The following PMFBP1 variants were observed in gnomAD, a reference collection of about 807,000 sequenced individuals.
The protein encoded by PMFBP1 is polyamine modulated factor 1 binding protein 1.
Under a neutral mutation model 137.8 loss-of-function variants are expected in PMFBP1, and 131 were observed. The observed-to-expected ratio is 0.95, with a 90% CI of 0.82 to 1.10. The LOEUF is 1.10. Among genes scored for constraint, PMFBP1 ranks in the 50% least tolerant of loss-of-function variants. The pLI is 0.00. For missense variants in PMFBP1, 1,199 were observed against 1,175.4 expected, an observed-to-expected ratio of 1.02 and a Z score of -0.29; for synonymous variants, 490 against 450.4, an observed-to-expected ratio of 1.09 and a Z score of -1.11.
chr16:72,128,563 T>A, intron 14 of PMFBP1, 94 bp downstream of exon 14: 1 of 1,608,530 alleles, frequency 6.2e-7, no homozygotes, highest in Non-Finnish European at 8.5e-7. Flanking sequence ...AGCAGTTAGC[T>A]GCATTTCTGT....
the PMFBP1 span, among the ~76,000 whole-genome samples, chr16:72,220,441 AC>A: frequency 1.3e-5 from 2 of 152,242 alleles, no homozygotes; most frequent in African/African-American, 2.4e-5. Context: ...TAAAATAAAA[AC>A]CAAAAGCCCA....
chr16:72,145,622 T>C (rs933213427), intron 5 of PMFBP1, among the ~76,000 whole-genome samples: 4 of 152,168 alleles, frequency 2.6e-5, no homozygotes, highest in African/African-American at 9.6e-5. Flanking sequence ...ACAAAATAGA[T>C]AGACTGCTAG....
At chr16:72,165,874 G>A (rs1429311880) in intron 2 of PMFBP1, among the ~76,000 whole-genome samples, 2 of 152,182 alleles carry the variant, frequency 1.3e-5, no homozygotes, top group Non-Finnish European at 2.9e-5. Flanking sequence ...TAAATAGAAT[G>A]TGTGGGGCAT....
chr16:72,161,966 C>A (rs2043069046), intron 3 of PMFBP1, among the ~76,000 whole-genome samples: 1 of 152,172 alleles, frequency 6.6e-6, no homozygotes, highest in Admixed American at 6.5e-5. Flanking sequence ...TAAAAAGTGT[C>A]CTCTGTACAC....
chr16:72,223,270 T>G, the PMFBP1 span, among the ~76,000 whole-genome samples: 7 of 152,224 alleles, frequency 4.6e-5, no homozygotes, highest in African/African-American at 1.7e-4. Context: ...GGATCAGTAT[T>G]AGTGAACTGG....
the PMFBP1 span, among the ~76,000 whole-genome samples, chr16:72,243,754 G>A: frequency 6.6e-6 from 1 of 152,126 alleles, no homozygotes; most frequent in Non-Finnish European, 1.5e-5. Flanking sequence ...TGAGTAGGGA[G>A]AAAGAGAATC....
chr16:72,215,243 C>T, the PMFBP1 span, among the ~76,000 whole-genome samples: 1 of 151,656 alleles, frequency 6.6e-6, no homozygotes, highest in East Asian at 1.9e-4. Context: ...GGACATGAGC[C>T]CTTAAATTAA....
the PMFBP1 span, among the ~76,000 whole-genome samples, chr16:72,181,931 G>A: frequency 3.9e-5 from 6 of 152,066 alleles, no homozygotes; most frequent in South Asian, 2.1e-4. Flanking sequence ...GTCTTGGGCC[G>A]CATGTAAAAT....
At chr16:72,218,381 G>C in the PMFBP1 span, among the ~76,000 whole-genome samples, 1 of 151,828 alleles carries the variant, frequency 6.6e-6, no homozygotes, top group African/African-American at 2.4e-5. Flanking sequence ...AGGCTGGAGT[G>C]CAGTGGCGCG....
rs1462471960 is a variant in PMFBP1, at chr16:72,129,216, G to A, written c.1800C>T (p.Ser600=). The A allele has an allele frequency of 6.2e-7, 1 of 1,612,822 alleles. No individual in the cohort carries two copies. Among genetic ancestry groups the A allele is most frequent in the East Asian group, 2.2e-5 (1 of 44,886 alleles). Residue 600 remains serine, a synonymous_variant, in exon 13 of 21, where the codon TCC becomes TCT. Transcript: ENST00000237353. The part of the protein sequence containing the change: ...RIKHQHREQG[S]IKCKLEEDLQ... ...GATCTTCTTCTAACTTGCATTTGAT[G>A]GAGCCTTGCTCCCTGTGCTGAAAAA...
chr16:72,175,521 C>A (rs748214326), upstream of PMFBP1, among the ~76,000 whole-genome samples: 30 of 152,240 alleles, frequency 2.0e-4, no homozygotes, highest in African/African-American at 3.4e-4. Flanking sequence ...GGCCTTACAG[C>A]AACCTTGTTG....
rs2043122963 is a variant in PMFBP1 at position 72,164,922 on chromosome 16, C to T, written c.13-6G>A. The stretch of plus-strand genomic sequence containing the variant: ...TCTCTGTCTCTCTCCCCCGCCTAGG[C>T]AGCCAGAAAAACAAAAGCATCAATT... On this transcript the variant is annotated splice_polypyrimidine_tract_variant and splice_region_variant and intron_variant, in intron 2 of 20. Coordinates refer to ENST00000237353, the MANE Select transcript of PMFBP1 (RefSeq NM_031293.3). 9.5e-6 allele frequency: 15 copies of T among 1,576,022 alleles called. No individual in the cohort carries two copies. The highest frequency in any genetic ancestry group is 1.2e-5 in the Non-Finnish European group (14 of 1,153,006).
At chr16:72,237,130 C>G in the PMFBP1 span, among the ~76,000 whole-genome samples, 1 of 152,104 alleles carries the variant, frequency 6.6e-6, no homozygotes, top group Non-Finnish European at 1.5e-5. Flanking sequence ...AATACTCCCG[C>G]TTAGAAGGAG....
chr16:72,123,375 T>C (rs2042405586), intron 18 of PMFBP1, among the ~76,000 whole-genome samples, 171 bp downstream of exon 18: 1 of 152,222 alleles, frequency 6.6e-6, no homozygotes. Flanking sequence ...CAGGCCTGCC[T>C]GAAGGGTTGA....
chr16:72,165,060 A>G, intron 2 of PMFBP1, 144 bp from the exon 3 acceptor site: 1 of 798,268 alleles, frequency 1.3e-6, no homozygotes, highest in Non-Finnish European at 1.9e-6. Flanking sequence ...CCTGTGTAAC[A>G]TTTACACAGT....
chr16:72,164,160 G>A (rs1049969548), intron 3 of PMFBP1, among the ~76,000 whole-genome samples: 6 of 152,258 alleles, frequency 3.9e-5, no homozygotes, highest in Non-Finnish European at 8.8e-5. Context: ...CACGCCTCGG[G>A]TTACCTCTGA....
chr16:72,179,833 G>A (rs2043270400), upstream of PMFBP1, among the ~76,000 whole-genome samples: 1 of 152,168 alleles, frequency 6.6e-6, no homozygotes, highest in South Asian at 2.1e-4. Flanking sequence ...AAAGGTGCCT[G>A]GCTACATAAA....
At chr16:72,142,741 C>G (rs61705884) in intron 5 of PMFBP1, among the ~76,000 whole-genome samples, 1 of 151,962 alleles carries the variant, frequency 6.6e-6, no homozygotes, top group Non-Finnish European at 1.5e-5. Context: ...AAGGGACTGC[C>G]GAGCATAGTA....
chr16:72,140,307 T>C, intron 6 of PMFBP1, 105 bp downstream of exon 6: 1 of 1,199,552 alleles, frequency 8.3e-7, no homozygotes, highest in African/African-American at 1.5e-5. Flanking sequence ...CATTTGAGGA[T>C]TCTCGGCGAA....
Sources: allele counts gnomAD v4.1 joint callset (sites outside exome capture counted in the v4.1 genomes callset), GRCh38; gene constraint gnomAD v4.1.1; transcripts MANE v1.5; gene names NCBI Gene and HGNC (gene_info 2026-07-23, HGNC 2026-07-21).